Variants in CEP57 observed in about 807,000 individuals in gnomAD.
CEP57 encodes centrosomal protein of 57 kDa.
In CEP57, 40 loss-of-function variants were observed where a neutral mutation model predicts 68.0. The ratio of observed to expected loss-of-function variants is 0.59; its 90% CI spans 0.46 to 0.77. The LOEUF is 0.77. Ranked by LOEUF, CEP57 falls within the 30% of genes least tolerant of loss-of-function variation. CEP57 has a pLI of 0.00. For synonymous variants in CEP57, 219 were observed against 198.7 expected, an observed-to-expected ratio of 1.10 and a Z score of -0.86; for missense variants, 606 against 580.7, an observed-to-expected ratio of 1.04 and a Z score of -0.45.
chr11:95,811,048 C>G (rs1029658105), intron 2 of CEP57, among the ~76,000 whole-genome samples: 3 of 152,126 alleles, frequency 2.0e-5, no homozygotes, highest in African/African-American at 7.2e-5. Flanking sequence ...GTATCTAGAA[C>G]TAGAAATACC....
In CEP57 at chr11:95,831,208, A is replaced by G. The variant is rs767614718; in HGVS notation, c.1455A>G (p.Gln485=). The change falls in exon 11 of 11, where the codon CAA becomes CAG. Residue 485 remains glutamine (Q), a synonymous_variant. Coordinates refer to ENST00000325542, the MANE Select transcript of CEP57 (RefSeq NM_014679.5). ...RKNLQLLKDM[Q]SIQNSLQSSS... ...ATCTTCAGTTATTGAAGGACATGCA[A>G]AGCATACAGAATTCATTACAAAGCA... 2.5e-6 allele frequency: 4 copies of G among 1,613,578 alleles called. No homozygotes were observed. The East Asian group carries it at 6.7e-5, about 27-fold the overall frequency.
chr11:95,803,736 A>G (rs1861677418), intron 2 of CEP57, among the ~76,000 whole-genome samples: 1 of 143,388 alleles, frequency 7.0e-6, no homozygotes, highest in African/African-American at 2.4e-5. Flanking sequence ...TTTTCTAGCT[A>G]CAAAAGAGCT....
At chr11:95,795,927 G>T (rs748013445) in intron 1 of CEP57, among the ~76,000 whole-genome samples, 21 of 152,032 alleles carry the variant, frequency 1.4e-4, no homozygotes, top group Admixed American at 2.0e-4. Flanking sequence ...TTTCTAGCTT[G>T]CCTATCAGAA....
chr11:95,806,243 A>G (rs575583782), intron 2 of CEP57, among the ~76,000 whole-genome samples: 1 of 152,328 alleles, frequency 6.6e-6, no homozygotes, highest in South Asian at 2.1e-4. Context: ...GGAAATAAAG[A>G]ACAACTTGGT....
chr11:95,795,306 C>T (rs1861293685), intron 1 of CEP57, among the ~76,000 whole-genome samples: 1 of 151,926 alleles, frequency 6.6e-6, no homozygotes, highest in Admixed American at 6.6e-5. Context: ...CAGTTTATTT[C>T]TAGTTTTTAA....
intron 1 of CEP57, chr11:95,794,381 C>T (rs1201222441): frequency 4.4e-6 from 2 of 452,776 alleles, no homozygotes; most frequent in Non-Finnish European, 8.9e-6. Flanking sequence ...TTCAGCTTTA[C>T]TCGGTCATAC....
chr11:95,813,426 A>G (rs1862159474), intron 3 of CEP57, 42 bp from the exon 4 acceptor site: 1 of 1,602,098 alleles, frequency 6.2e-7, no homozygotes. Context: ...AAACTATTTT[A>G]TGGGTGAGTT....
At chr11:95,791,341 G>A (rs1861063846) in intron 1 of CEP57, among the ~76,000 whole-genome samples, 2 of 152,120 alleles carry the variant, frequency 1.3e-5, no homozygotes, top group South Asian at 2.1e-4. Flanking sequence ...GGCGACAGGG[G>A]GAATTGATTT....
intron 1 of CEP57, among the ~76,000 whole-genome samples, chr11:95,796,118 A>G (rs1369242566): frequency 6.6e-6 from 1 of 152,210 alleles, no homozygotes; most frequent in African/African-American, 2.4e-5. Context: ...TCTAGGTAAT[A>G]TCTTGCAGCT....
chr11:95,803,317 A>G (rs1003025623), intron 2 of CEP57, among the ~76,000 whole-genome samples: 2 of 152,204 alleles, frequency 1.3e-5, no homozygotes, highest in Admixed American at 1.3e-4. Flanking sequence ...AATGAAAATT[A>G]AAAAGTCAAG....
chr11:95,818,289 G>A (rs1862386214), intron 5 of CEP57, among the ~76,000 whole-genome samples: 1 of 151,708 alleles, frequency 6.6e-6, no homozygotes, highest in African/African-American at 2.4e-5. Context: ...GCGCATGCCT[G>A]TAATCGCAGC....
rs528471462 is a variant in CEP57 at position 95,831,906 on chromosome 11, G to C, written c.*650G>C. ...GTTATATCTATAAAAATTATAAAAG[G>C]ATTTTTGAAAGTATAAACAAATTGT... is the stretch of plus-strand genomic sequence containing the variant. On this transcript the variant is annotated 3_prime_UTR_variant, in exon 11 of 11. Transcript: ENST00000325542. The C allele has an allele frequency of 6.6e-6, 1 of 151,998 alleles. No homozygotes were observed. Among genetic ancestry groups the C allele is most frequent in the Admixed American group, 6.6e-5 (1 of 15,250 alleles). 9.4% of individuals were successfully genotyped at this position (151,998 alleles called of 1,614,324 possible).
rs1863011586 is a variant in CEP57 at position 95,831,633 on chromosome 11, C to T, written c.*377C>T. Reference sequence around the variant, plus strand: ...TCAAAATATGAGACTATGCTATAGGCAGTGCTTGCTTGAAAAGTCTCATTT... The same window carrying T: ...TCAAAATATGAGACTATGCTATAGGTAGTGCTTGCTTGAAAAGTCTCATTT... On this transcript the variant is annotated 3_prime_UTR_variant, in exon 11 of 11. Coordinates refer to ENST00000325542, the MANE Select transcript of CEP57 (RefSeq NM_014679.5). The T allele has an allele frequency of 6.5e-6, 1 of 154,086 alleles. No homozygotes were observed. The highest frequency in any genetic ancestry group is 1.4e-5 in the Non-Finnish European group (1 of 69,278). 9.5% of individuals were successfully genotyped at this position (154,086 alleles called of 1,614,324 possible). A position where few individuals can be genotyped will look rare whatever the true frequency, so the allele number is the denominator to read the frequency against.
chr11:95,831,306 C>T lies in CEP57; in HGVS notation c.*50C>T, dbSNP rs901027270. 7.9e-7 allele frequency: 1 copy of T among 1,272,378 alleles called. No homozygotes were observed. The highest frequency in any genetic ancestry group is 1.1e-6 in the Non-Finnish European group (1 of 878,126). The allele number at this position is 1,272,378 out of a possible 1,614,324, so 78.8% of individuals were successfully genotyped here. On this transcript the variant is annotated 3_prime_UTR_variant, in exon 11 of 11. Transcript: ENST00000325542. Reference sequence around the variant, plus strand: ...TTCAGATAATCTGTACCTCATCAATCAGATGATGACAATTTACTTCCCAGG... The same window carrying T: ...TTCAGATAATCTGTACCTCATCAATTAGATGATGACAATTTACTTCCCAGG...
chr11:95,829,676 A>G (rs1396266400), intron 10 of CEP57, among the ~76,000 whole-genome samples: 2 of 152,356 alleles, frequency 1.3e-5, no homozygotes, highest in African/African-American at 2.4e-5. Context: ...TAAGTCATAC[A>G]TTAAATATGT....
Position 95,832,346 on chromosome 11 carries a change from A to T in CEP57, c.*1090A>T, listed in dbSNP as rs946575958. ...TGATGAAGAGAAAAAACTAGTACTTAGTTGCCACACTCATGCTTACATAGA... is the reference window on the plus strand; with the variant it reads ...TGATGAAGAGAAAAAACTAGTACTTTGTTGCCACACTCATGCTTACATAGA... On this transcript the variant is annotated 3_prime_UTR_variant, in exon 11 of 11. Transcript: ENST00000325542. 2 of 152,176 alleles carry T rather than the reference A, an allele frequency of 1.3e-5. No homozygotes were observed. The highest frequency in any genetic ancestry group is 2.9e-5 in the Non-Finnish European group (2 of 68,016). 9.4% of individuals were successfully genotyped at this position (152,176 alleles called of 1,614,324 possible).
rs1210944904 is a variant in CEP57 at position 95,831,243 on chromosome 11, G to A, written c.1490G>A (p.Cys497Tyr). 3.7e-6 allele frequency: 6 copies of A among 1,610,632 alleles called. No individual in the cohort carries two copies. The African/African-American group carries it at 4.0e-5, about 11-fold the overall frequency. Residue 497 changes from cysteine (C) to tyrosine (Y), a missense_variant, in exon 11 of 11, where the codon TGT becomes TAT. Cys to Tyr is a radical substitution (Grantham distance 194, BLOSUM62 -2). Coordinates refer to ENST00000325542, the MANE Select transcript of CEP57 (RefSeq NM_014679.5). ...AATTCATTACAAAGCAGTAGTTTGTGTTGGGATTACTGACTCATAACCAGG... is the reference window on the plus strand; with the variant it reads ...AATTCATTACAAAGCAGTAGTTTGTATTGGGATTACTGACTCATAACCAGG... ...IQNSLQSSSL[C>Y]WDY
At chr11:95,792,486 A>G (rs1410592410) in intron 1 of CEP57, among the ~76,000 whole-genome samples, 3 of 152,264 alleles carry the variant, frequency 2.0e-5, no homozygotes, top group Non-Finnish European at 2.9e-5. Flanking sequence ...TCCATAAAAT[A>G]AAATATTAAA....
intron 4 of CEP57, among the ~76,000 whole-genome samples, chr11:95,815,455 A>T (rs1292052749): frequency 6.6e-6 from 1 of 152,218 alleles, no homozygotes; most frequent in East Asian, 1.9e-4. Flanking sequence ...TGATGTTTTC[A>T]AAGTGTTAAT....
Sources: gnomAD v4.1 joint callset for allele counts (sites outside exome capture counted in the v4.1 genomes callset) on GRCh38, gnomAD v4.1.1 for gene constraint, MANE v1.5 for transcripts, NCBI Gene and HGNC (gene_info 2026-07-23, HGNC 2026-07-21) for gene names.